The following RIMS2 variants were observed in gnomAD, a reference collection of about 807,000 sequenced individuals.
The protein encoded by RIMS2 is regulating synaptic membrane exocytosis 2, also known as regulating synaptic membrane exocytosis protein 2.
Under a neutral mutation model 174.4 loss-of-function variants are expected in RIMS2, and 59 were observed. That is an observed-to-expected ratio of 0.34 (90% CI 0.27 to 0.42). The LOEUF (loss-of-function observed/expected upper bound fraction) is 0.42. Ranked by LOEUF, RIMS2 falls within the 10% of genes least tolerant of loss-of-function variation. The pLI, the probability that RIMS2 is intolerant of heterozygous loss-of-function variation, is 1.00. For missense variants in RIMS2, 1,620 were observed against 1,666.3 expected (o/e 0.97, Z 0.48); for synonymous variants, 606 against 572.5 (o/e 1.06, Z -0.84).
chr8:104,198,393 A>G (rs74586960), intron 19 of RIMS2, among the ~76,000 whole-genome samples: 1,756 of 152,338 alleles, frequency 0.012, 36 homozygotes, highest in African/African-American at 0.041. Flanking sequence ...TTTTCAAGAC[A>G]TAAAACAAGA....
At chr8:103,619,739 T>C (rs186181194) in intron 1 of RIMS2, among the ~76,000 whole-genome samples, 25 of 152,222 alleles carry the variant, frequency 1.6e-4, no homozygotes, top group Non-Finnish European at 2.6e-4. Flanking sequence ...CCTTCACCTC[T>C]ACCATCAGTA....
At chr8:104,207,341 T>A (rs1420546722) in intron 19 of RIMS2, among the ~76,000 whole-genome samples, 3 of 152,304 alleles carry the variant, frequency 2.0e-5, no homozygotes, top group East Asian at 1.9e-4. Context: ...TTTTAAAAAA[T>A]TTAAATCCAG....
At chr8:104,223,881 C>G in intron 19 of RIMS2, 5 of 1,065,586 alleles carry the variant, frequency 4.7e-6, no homozygotes, top group Non-Finnish European at 6.9e-6. Flanking sequence ...GAGAACTCCA[C>G]GTAGCAGTGT....
chr8:103,806,117 GT>G (rs1434568266), intron 3 of RIMS2, among the ~76,000 whole-genome samples: 1 of 152,004 alleles, frequency 6.6e-6, no homozygotes, highest in Non-Finnish European at 1.5e-5. Context: ...ATTTGACTTC[GT>G]TTAATAAGAA....
intron 17 of RIMS2, among the ~76,000 whole-genome samples, chr8:104,004,202 A>G (rs971295212): frequency 6.6e-6 from 1 of 152,208 alleles, no homozygotes; most frequent in African/African-American, 2.4e-5. Context: ...GTAATTTCAG[A>G]GTAAATTCAC....
intron 19 of RIMS2, among the ~76,000 whole-genome samples, chr8:104,140,667 C>T (rs2098557948): frequency 6.6e-6 from 1 of 152,126 alleles, no homozygotes; most frequent in Non-Finnish European, 1.5e-5. Flanking sequence ...CAATTTCAGT[C>T]CCCGTATGCC....
chr8:104,080,020 A>G (rs1399852424), intron 19 of RIMS2, among the ~76,000 whole-genome samples: 1 of 152,106 alleles, frequency 6.6e-6, no homozygotes, highest in Non-Finnish European at 1.5e-5. Flanking sequence ...ATTATTGGGT[A>G]ATAGTCAAAA....
At chr8:104,176,177 G>T (rs1435171600) in intron 19 of RIMS2, among the ~76,000 whole-genome samples, 1 of 152,028 alleles carries the variant, frequency 6.6e-6, no homozygotes, top group Non-Finnish European at 1.5e-5. Flanking sequence ...CACATATCTG[G>T]CAATATGTGC....
At chr8:104,154,341 C>T (rs2098708495) in intron 19 of RIMS2, among the ~76,000 whole-genome samples, 1 of 152,204 alleles carries the variant, frequency 6.6e-6, no homozygotes, top group South Asian at 2.1e-4. Context: ...ATGGCAATCT[C>T]CTACATCTGC....
At chr8:103,537,378 T>C (rs139280343) in intron 1 of RIMS2, among the ~76,000 whole-genome samples, 27 of 152,334 alleles carry the variant, frequency 1.8e-4, no homozygotes, top group Admixed American at 9.8e-4. Flanking sequence ...AAACTTAGAA[T>C]AGTTCAAAAT....
intron 15 of RIMS2, among the ~76,000 whole-genome samples, chr8:103,971,122 G>C (rs1360099526): frequency 6.6e-6 from 1 of 151,950 alleles, no homozygotes; most frequent in Non-Finnish European, 1.5e-5. Flanking sequence ...ACTATATATA[G>C]ATAAAATATC....
chr8:104,205,955 C>A (rs1240256154), intron 19 of RIMS2, among the ~76,000 whole-genome samples: 1 of 152,024 alleles, frequency 6.6e-6, no homozygotes, highest in African/African-American at 2.4e-5. Flanking sequence ...GGGGTTTCAC[C>A]ATGTTGGCCA....
chr8:103,702,491 C>G (rs1475594794), intron 2 of RIMS2, among the ~76,000 whole-genome samples: 2 of 150,086 alleles, frequency 1.3e-5, no homozygotes, highest in Non-Finnish European at 3.0e-5. Context: ...AGGTCTTATT[C>G]AATAAATATT....
chr8:104,087,492 C>T (rs543493840), intron 19 of RIMS2, among the ~76,000 whole-genome samples: 1 of 152,104 alleles, frequency 6.6e-6, no homozygotes, highest in Non-Finnish European at 1.5e-5. Flanking sequence ...CAGTGCTTCT[C>T]TTTGAAGGAG....
intron 2 of RIMS2, among the ~76,000 whole-genome samples, chr8:103,746,808 G>A (rs1285642554): frequency 2.0e-5 from 3 of 151,978 alleles, no homozygotes; most frequent in African/African-American, 7.3e-5. Context: ...AGCCTCCTGC[G>A]TAGCTAGGAC....
chr8:104,162,831 AT>A (rs2098771735), intron 19 of RIMS2, among the ~76,000 whole-genome samples: 7 of 152,328 alleles, frequency 4.6e-5, no homozygotes, highest in Admixed American at 3.9e-4. Context: ...TTTCATTAAA[AT>A]TTATAAGTGC....
chr8:103,763,448 AAAG>A (rs1239227292), intron 2 of RIMS2, among the ~76,000 whole-genome samples: 8 of 151,780 alleles, frequency 5.3e-5, no homozygotes, highest in East Asian at 1.9e-4. Context: ...GGAAAAAAAA[AAAG>A]AAGAAGGAAG....
At chr8:104,255,523 A>G (rs2099366494), downstream of RIMS2, 1 of 152,158 alleles carries the variant, frequency 6.6e-6, no homozygotes, top group Admixed American at 6.6e-5. Context: ...CTAAACCCTA[A>G]CAACATGGCT....
chr8:103,579,043 G>A (rs1337682744), intron 1 of RIMS2, among the ~76,000 whole-genome samples: 1 of 151,730 alleles, frequency 6.6e-6, no homozygotes, highest in Non-Finnish European at 1.5e-5. Flanking sequence ...CAGACATGAA[G>A]GAGAGAGAAA....
Sources: gnomAD v4.1 joint callset for allele counts (sites outside exome capture counted in the v4.1 genomes callset) on GRCh38, gnomAD v4.1.1 for gene constraint, MANE v1.5 for transcripts, NCBI Gene and HGNC (gene_info 2026-07-23, HGNC 2026-07-21) for gene names.